Variants in KCNAB2 observed in about 807,000 individuals in gnomAD.
KCNAB2 encodes potassium voltage-gated channel subfamily A regulatory beta subunit 2.
A neutral mutation model predicts 63.6 loss-of-function variants in KCNAB2; 29 were observed. The ratio of observed to expected loss-of-function variants is 0.46; its 90% CI spans 0.34 to 0.62. The LOEUF is 0.62. Ranked by LOEUF, KCNAB2 falls within the 20% of genes least tolerant of loss-of-function variation. The pLI, the probability that KCNAB2 is intolerant of heterozygous loss-of-function variation, is 0.01. For synonymous variants in KCNAB2, 222 were observed against 224.2 expected (o/e 0.99, Z 0.09); for missense variants, 359 against 563.9 (o/e 0.64, Z 3.68).
chr1:6,075,288 G>A (rs1663567484), intron 4 of KCNAB2, among the ~76,000 whole-genome samples: 1 of 152,226 alleles, frequency 6.6e-6, no homozygotes, highest in African/African-American at 2.4e-5. Flanking sequence ...AGACAGACTA[G>A]ACCCATCCAA....
At chr1:6,053,166 C>T (rs1038861870) in intron 2 of KCNAB2, among the ~76,000 whole-genome samples, 33 of 152,176 alleles carry the variant, frequency 2.2e-4, no homozygotes, top group African/African-American at 5.5e-4. Context: ...ACAAAGGGTC[C>T]GCTAGTTTGG....
intron 2 of KCNAB2, among the ~76,000 whole-genome samples, chr1:6,055,990 C>T (rs1157793291): frequency 1.3e-5 from 2 of 152,256 alleles, no homozygotes; most frequent in African/African-American, 4.8e-5. Flanking sequence ...CTGGGCATTT[C>T]ATCAGCTGAA....
intron 10 of KCNAB2, 35 bp downstream of exon 10, chr1:6,091,342 G>A: frequency 7.0e-7 from 1 of 1,422,370 alleles, no homozygotes; most frequent in African/African-American, 1.4e-5. Context: ...ATTGACTTCT[G>A]TGTCCAAGCT....
At chr1:6,016,153 C>CTA (rs1658482213) in intron 1 of KCNAB2, among the ~76,000 whole-genome samples, 1 of 152,232 alleles carries the variant, frequency 6.6e-6, no homozygotes, top group Admixed American at 6.5e-5. Flanking sequence ...CCACCAGCAC[C>CTA]CACCTGCTGC....
intron 1 of KCNAB2, among the ~76,000 whole-genome samples, chr1:6,040,214 A>T (rs571193677): frequency 6.6e-6 from 1 of 152,316 alleles, no homozygotes; most frequent in East Asian, 1.9e-4. Flanking sequence ...GTTTCAGAAC[A>T]ACAGTTGGGG....
chr1:6,083,358 C>T (rs908323202), intron 5 of KCNAB2, among the ~76,000 whole-genome samples: 8 of 152,212 alleles, frequency 5.3e-5, no homozygotes, highest in African/African-American at 1.2e-4. Flanking sequence ...GAGGCAGCTC[C>T]GTGCAGCCTC....
intron 5 of KCNAB2, among the ~76,000 whole-genome samples, chr1:6,083,140 G>A (rs575346383): frequency 1.1e-4 from 17 of 152,296 alleles, no homozygotes; most frequent in East Asian, 3.9e-4. Context: ...TTGGCCCTCC[G>A]GATGGCACAG....
Position 6,035,303 on chromosome 1 carries a change from C to G in KCNAB2, c.-53+509C>G, listed in dbSNP as rs1448756761. ...ACCCACTGTTGAGATTGGACTTTGG[C>G]TCTGAATGGAATGGAAGCCATTGGA... is the stretch of plus-strand genomic sequence containing the variant. On this transcript the variant is annotated intron_variant, in intron 1 of 15. Coordinates refer to the KCNAB2 transcript ENST00000164247. This position sits in a 1 kb window ranked among gnomAD's most constrained non-coding sequence, Gnocchi z 5.0. 1.3e-5 allele frequency among the ~76,000 whole-genome samples: 2 copies of G among 152,078 alleles called. No individual in the cohort carries two copies. The highest frequency in any genetic ancestry group is 4.8e-5 in the African/African-American group (2 of 41,386).
At position 6,098,931 on chromosome 1, in the gene KCNAB2, C is replaced by A. The variant is rs1665858617; in HGVS notation, c.*357C>A. The A allele has an allele frequency of 9.1e-6, 2 of 218,600 alleles. No individual in the cohort carries two copies. The highest frequency in any genetic ancestry group is 1.1e-4 in the Admixed American group (2 of 17,676). 13.5% of individuals were successfully genotyped at this position (218,600 alleles called of 1,614,324 possible). On this transcript the variant is annotated 3_prime_UTR_variant, in exon 16 of 16. Transcript: ENST00000378083. ...ATTTCCAAGGTTCCCAAAGTCAAGG[C>A]CAGGCCAAGGCCTGGTTGGGTCCTT...
In KCNAB2 at chr1:6,081,394, G is replaced by T. The variant is rs12741018; in HGVS notation, c.301-801G>T. ...CAGGTGCTGGGAAAGATTCAATGAG[G>T]TACAACTGAATACACCGCCCTGGCT... On this transcript the variant is annotated intron_variant, in intron 4 of 15. Coordinates refer to ENST00000378083, the MANE Select transcript of KCNAB2 (RefSeq NM_001199862.2). Among the ~76,000 whole-genome samples, 3 of 152,260 alleles carry T rather than the reference G, an allele frequency of 2.0e-5. No individual in the cohort carries two copies. In the East Asian group the frequency reaches 5.8e-4, roughly 29 times the overall value.
upstream of KCNAB2, among the ~76,000 whole-genome samples, chr1:6,030,764 G>A (rs145471355): frequency 2.3e-3 from 345 of 151,088 alleles, 1 homozygote; most frequent in African/African-American, 7.7e-3. Context: ...GTATGTGTAC[G>A]TGTGTGTAGA....
rs1256768500 is a variant in KCNAB2, at chr1:6,084,796, C to T, written c.381-408C>T. ...TCGCCACTACATTCCATTGATAGAG[C>T]GAGACTCCATTTCAAAAAAAAAAAA... On this transcript the variant is annotated intron_variant, in intron 5 of 15. Transcript: ENST00000378083. Among the ~76,000 whole-genome samples, 3 of 59,326 alleles carry T rather than the reference C, an allele frequency of 5.1e-5. No individual in the cohort carries two copies. The East Asian group carries it at 1.7e-3, about 33-fold the overall frequency. The allele number at this position is 59,326 out of a possible 152,430, so 38.9% of individuals were successfully genotyped here.
Position 6,072,752 on chromosome 1 carries a change from C to A in KCNAB2, c.219-3C>A. Reference sequence around the variant, plus strand: ...GAGAACTCACGTGGCGTTTGTTTTTCAGGAACCTGGGCAAGTCTGGCCTGC... The same window carrying A: ...GAGAACTCACGTGGCGTTTGTTTTTAAGGAACCTGGGCAAGTCTGGCCTGC... On this transcript the variant is annotated splice_region_variant and splice_polypyrimidine_tract_variant and intron_variant, in intron 2 of 15. Transcript: ENST00000378083. 6.2e-7 allele frequency: 1 copy of A among 1,613,840 alleles called. No homozygotes were observed. The highest frequency in any genetic ancestry group is 1.3e-5 in the African/African-American group (1 of 74,992).
chr1:6,030,924 A>AGG (rs953742856), upstream of KCNAB2, among the ~76,000 whole-genome samples: 72 of 112,654 alleles, frequency 6.4e-4, 1 homozygote, highest in South Asian at 3.7e-3. Context: ...TTGTATGTGT[A>AGG]GGGGTGTGTG....
chr1:6,051,673 C>T lies in KCNAB2; in HGVS notation c.137C>T (p.Ala46Val). 2 of 1,533,980 alleles carry T rather than the reference C, an allele frequency of 1.3e-6. No individual in the cohort carries two copies. Among genetic ancestry groups the T allele is most frequent in the East Asian group, 4.9e-5 (2 of 40,922 alleles). Residue 46 changes from alanine (A) to valine (V), a missense_variant, in exon 2 of 16, where the codon GCC becomes GTC. By Grantham distance (64) the Ala-to-Val change is moderately conservative. Transcript: ENST00000378083. ...RLREVRAAAQ[A>V]RNMESFLRMH... ...CGGGAGGTGCGGGCGGCTGCCCAGG[C>T]CAGGAACATGGAGAGCTTCCTCCGC...
Position 6,096,538 on chromosome 1 carries a change from A to G in KCNAB2, c.949-98A>G, listed in dbSNP as rs1665654444. 2.1e-6 allele frequency: 3 copies of G among 1,430,236 alleles called. No individual in the cohort carries two copies. Among genetic ancestry groups the G allele is most frequent in the East Asian group, 4.9e-5 (2 of 40,896 alleles). 88.6% of individuals were successfully genotyped at this position (1,430,236 alleles called of 1,614,324 possible). On this transcript the variant is annotated intron_variant, in intron 13 of 15. Coordinates refer to ENST00000378083, the MANE Select transcript of KCNAB2 (RefSeq NM_001199862.2). The surrounding 1 kb of genome is among the most constrained non-coding windows in gnomAD (Gnocchi z 5.9). ...ATGAGAAGAGCCCCTATGAGGGAGA[A>G]GGGTCCAGAAGGAATGAGCCCATCG...
intron 2 of KCNAB2, among the ~76,000 whole-genome samples, chr1:6,053,239 G>A (rs1013649456): frequency 6.6e-6 from 1 of 152,106 alleles, no homozygotes; most frequent in African/African-American, 2.4e-5. Context: ...GCATTCATGA[G>A]GGGCTGGTCA....
intron 1 of KCNAB2, among the ~76,000 whole-genome samples, chr1:6,004,512 A>G (rs1657442683): frequency 1.3e-5 from 2 of 151,912 alleles, no homozygotes; most frequent in East Asian, 1.9e-4. Context: ...CCGAGGTAGC[A>G]TGTGTTCCAG....
chr1:6,065,581 C>T (rs758791815), intron 2 of KCNAB2, among the ~76,000 whole-genome samples: 3 of 152,160 alleles, frequency 2.0e-5, no homozygotes, highest in South Asian at 2.1e-4. Context: ...CCATCACCTC[C>T]GGCTCCACAA....
Sources: allele counts gnomAD v4.1 joint callset (sites outside exome capture counted in the v4.1 genomes callset), GRCh38; gene constraint gnomAD v4.1.1; non-coding constraint Gnocchi (gnomAD v3.1); transcripts MANE v1.5; gene names NCBI Gene and HGNC (gene_info 2026-07-23, HGNC 2026-07-21).